The following ERGIC2 variants were observed in gnomAD, a reference collection of about 807,000 sequenced individuals.
ERGIC2 encodes ERGIC and golgi 2, also known as endoplasmic reticulum-Golgi intermediate compartment protein 2.
ERGIC2 carries 31 observed loss-of-function variants against 52.5 expected under a neutral mutation model. The ratio of observed to expected loss-of-function variants is 0.59; its 90% CI spans 0.44 to 0.80. ERGIC2 has a LOEUF of 0.80. Among genes scored for constraint, ERGIC2 ranks in the 30% least tolerant of loss-of-function variants. The pLI is 0.00. For synonymous variants in ERGIC2, 129 were observed against 140.6 expected (o/e 0.92, Z 0.58); for missense variants, 395 against 455.2 (o/e 0.87, Z 1.20).
intron 1 of ERGIC2, among the ~76,000 whole-genome samples, chr12:29,374,522 T>A (rs571972401): frequency 6.6e-6 from 1 of 152,344 alleles, no homozygotes; most frequent in South Asian, 2.1e-4. Context: ...TGCAGATATG[T>A]ATAACCCCTT....
intron 1 of ERGIC2, among the ~76,000 whole-genome samples, chr12:29,373,830 A>G (rs1333946079): frequency 3.9e-5 from 6 of 152,200 alleles, no homozygotes; most frequent in Non-Finnish European, 8.8e-5. Flanking sequence ...CACGTCAGTT[A>G]TAAAACTGGT....
chr12:29,340,890 T>C lies in ERGIC2; in HGVS notation c.*266A>G. On this transcript the variant is annotated 3_prime_UTR_variant, in exon 14 of 14. Transcript: ENST00000360150. ...TGATACCACCCATTTGCTATGAAAA[T>C]ATAAGAAGGCGTCATCTTCAAAGCA... The C allele has an allele frequency of 2.0e-6, 1 of 496,388 alleles. No homozygotes were observed. The highest frequency in any genetic ancestry group is 3.7e-6 in the Non-Finnish European group (1 of 268,912). 30.7% of individuals were successfully genotyped at this position (496,388 alleles called of 1,614,324 possible).
At chr12:29,358,452 G>C (rs1940238963) in intron 6 of ERGIC2, among the ~76,000 whole-genome samples, 1 of 152,090 alleles carries the variant, frequency 6.6e-6, no homozygotes, top group East Asian at 1.9e-4. Context: ...TGGCAGTATG[G>C]TAGATACATG....
chr12:29,344,343 T>C (rs931948042), intron 11 of ERGIC2, among the ~76,000 whole-genome samples: 1 of 152,188 alleles, frequency 6.6e-6, no homozygotes, highest in Non-Finnish European at 1.5e-5. Flanking sequence ...ACTACCTTCC[T>C]CAAAGATTAT....
Position 29,357,673 on chromosome 12 carries a change from A to T in ERGIC2, c.426T>A (p.Asp142Glu). The change falls in exon 7 of 14, where the codon GAT becomes GAA. Residue 142 changes from aspartate (D) to glutamate (E), a missense_variant. By Grantham distance (45) the Asp-to-Glu change is conservative. Transcript: ENST00000360150. ...TTTTAAAAGCACTTTTAAATATCACATCTTGAAGTGAATGCTCTTCTTGTA... is the reference window on the plus strand; with the variant it reads ...TTTTAAAAGCACTTTTAAATATCACTTCTTGAAGTGAATGCTCTTCTTGTA... ...SRLQEEHSLQ[D>E]VIFKSAFKST... 6.2e-7 allele frequency: 1 copy of T among 1,610,022 alleles called. No homozygotes were observed. The highest frequency in any genetic ancestry group is 8.5e-7 in the Non-Finnish European group (1 of 1,176,728).
chr12:29,370,006 C>A, intron 3 of ERGIC2, 108 bp downstream of exon 3: 1 of 1,088,822 alleles, frequency 9.2e-7, no homozygotes, highest in Non-Finnish European at 1.2e-6. Context: ...TTCTTCAGAA[C>A]TAAAACAAAC....
In ERGIC2 at chr12:29,339,507, G is replaced by A. The variant is rs2136843200; in HGVS notation, c.*1649C>T. The A allele has an allele frequency of 6.6e-6, 1 of 152,066 alleles. No individual in the cohort carries two copies. Among genetic ancestry groups the A allele is most frequent in the Admixed American group, 6.6e-5 (1 of 15,260 alleles). The allele number at this position is 152,066 out of a possible 1,614,324, so 9.4% of individuals were successfully genotyped here. On this transcript the variant is annotated 3_prime_UTR_variant, in exon 14 of 14. Transcript: ENST00000360150. ...AGCCAAACTTTGTTGGAAATAATTT[G>A]AAGAAAAAAAATTAAAACCTAGAGA...
intron 8 of ERGIC2, among the ~76,000 whole-genome samples, chr12:29,352,449 G>A (rs1407186926): frequency 3.9e-5 from 6 of 152,112 alleles, no homozygotes; most frequent in South Asian, 2.1e-4. Context: ...GATCACCTGA[G>A]GTCAGGAGTT....
intron 2 of ERGIC2, among the ~76,000 whole-genome samples, 185 bp from the exon 3 acceptor site, chr12:29,370,407 C>T (rs1940425269): frequency 6.6e-6 from 1 of 151,742 alleles, no homozygotes; most frequent in Non-Finnish European, 1.5e-5. Context: ...TAATACAGCT[C>T]AAAAGTTAAG....
chr12:29,371,753 G>A, intron 1 of ERGIC2, 83 bp from the exon 2 acceptor site: 2 of 644,492 alleles, frequency 3.1e-6, no homozygotes, highest in East Asian at 2.8e-5. Flanking sequence ...ACTGACAAAT[G>A]TCCTTAAAAC....
At chr12:29,348,240 T>C (rs1198971789) in intron 10 of ERGIC2, among the ~76,000 whole-genome samples, 1 of 152,062 alleles carries the variant, frequency 6.6e-6, no homozygotes, top group Admixed American at 6.6e-5. Flanking sequence ...TATATGATTA[T>C]AACACTGCTA....
chr12:29,370,941 T>C (rs1940432602), intron 2 of ERGIC2, among the ~76,000 whole-genome samples: 1 of 152,122 alleles, frequency 6.6e-6, no homozygotes, highest in African/African-American at 2.4e-5. Flanking sequence ...TAATCACAAG[T>C]GGATCAGAAA....
intron 5 of ERGIC2, among the ~76,000 whole-genome samples, chr12:29,365,741 T>C (rs574184061): frequency 6.6e-6 from 1 of 151,664 alleles, no homozygotes; most frequent in South Asian, 2.1e-4. Context: ...AATACAAATA[T>C]TAAAATATCT....
At chr12:29,352,243 C>CAT (rs1230973015) in intron 8 of ERGIC2, among the ~76,000 whole-genome samples, 2 of 152,074 alleles carry the variant, frequency 1.3e-5, no homozygotes, top group Non-Finnish European at 2.9e-5. Flanking sequence ...CAAAAGCAGC[C>CAT]ATATATAAAC....
intron 11 of ERGIC2, 115 bp downstream of exon 11, chr12:29,345,328 T>C: frequency 1.5e-6 from 1 of 655,044 alleles, no homozygotes; most frequent in Non-Finnish European, 2.7e-6. Context: ...CTTCCACAGA[T>C]TTTTAAATGA....
chr12:29,359,098 C>T (rs1940248549), intron 6 of ERGIC2, among the ~76,000 whole-genome samples: 2 of 151,534 alleles, frequency 1.3e-5, no homozygotes, highest in African/African-American at 4.9e-5. Flanking sequence ...TTGGTATGCA[C>T]ATTAGTTAGG....
In ERGIC2 at chr12:29,338,353, G is replaced by T. The variant is rs1457047941; in HGVS notation, c.*2803C>A. 1 of 151,714 alleles carries T rather than the reference G, an allele frequency of 6.6e-6. No homozygotes were observed. The highest frequency in any genetic ancestry group is 6.6e-5 in the Admixed American group (1 of 15,226). 9.4% of individuals were successfully genotyped at this position (151,714 alleles called of 1,614,324 possible). A position where few individuals can be genotyped will look rare whatever the true frequency, so the allele number is the denominator to read the frequency against. On this transcript the variant is annotated 3_prime_UTR_variant, in exon 14 of 14. Coordinates refer to ENST00000360150, the MANE Select transcript of ERGIC2 (RefSeq NM_016570.3). ...TAATCATCTAACTTGAGAACTAGAA[G>T]TAATTTGGGTGCCAGGTGCAGTGGC...
At chr12:29,365,974 G>A (rs1418778519) in intron 5 of ERGIC2, among the ~76,000 whole-genome samples, 2 of 151,910 alleles carry the variant, frequency 1.3e-5, no homozygotes, top group Non-Finnish European at 2.9e-5. Flanking sequence ...CAAGTTTGTA[G>A]CTGTAAACTA....
chr12:29,344,247 C>T (rs1206515764), intron 11 of ERGIC2, among the ~76,000 whole-genome samples: 1 of 152,058 alleles, frequency 6.6e-6, no homozygotes, highest in Non-Finnish European at 1.5e-5. Flanking sequence ...TATATTTTTG[C>T]CCACCGTATC....
Sources: gnomAD v4.1 joint callset for allele counts (sites outside exome capture counted in the v4.1 genomes callset) on GRCh38, gnomAD v4.1.1 for gene constraint, MANE v1.5 for transcripts, NCBI Gene and HGNC (gene_info 2026-07-23, HGNC 2026-07-21) for gene names.